Variants in MCUB observed in about 807,000 individuals in gnomAD.
MCUB encodes the protein mitochondrial calcium uniporter dominant negative subunit beta, also known as calcium uniporter regulatory subunit MCUb, mitochondrial.
A neutral mutation model predicts 41.4 loss-of-function variants in MCUB; 46 were observed. That is an observed-to-expected ratio of 1.11 (90% CI 0.88 to 1.42). The LOEUF (loss-of-function observed/expected upper bound fraction) is 1.42. MCUB is among the 40% of genes most tolerant of loss of function. The pLI, the probability that MCUB is intolerant of heterozygous loss-of-function variation, is 0.00. For synonymous variants in MCUB, 148 were observed against 148.2 expected (o/e 1.00, Z 0.01); for missense variants, 403 against 404.9 (o/e 1.00, Z 0.04).
chr4:109,575,337 T>C (rs948957711), intron 1 of MCUB, among the ~76,000 whole-genome samples: 5 of 152,240 alleles, frequency 3.3e-5, no homozygotes, highest in African/African-American at 1.2e-4. Context: ...TTTTTATTGA[T>C]ATGATATTAT....
chr4:109,652,762 A>T (rs1315287869), intron 1 of MCUB, among the ~76,000 whole-genome samples: 3 of 152,220 alleles, frequency 2.0e-5, no homozygotes, highest in Non-Finnish European at 4.4e-5. Flanking sequence ...ACACAATCAA[A>T]TCACAGCAAG....
At position 109,665,337 on chromosome 4, in the gene MCUB, G is replaced by T. The variant is rs187042560; in HGVS notation, c.451+943G>T. 3.0e-3 allele frequency among the ~76,000 whole-genome samples: 454 copies of T among 152,192 alleles called. 2 individuals are homozygous for T. Among genetic ancestry groups the T allele is most frequent in the African/African-American group, 0.01 (432 of 41,538 alleles). On this transcript the variant is annotated intron_variant, in intron 4 of 7. Coordinates refer to ENST00000394650, the MANE Select transcript of MCUB (RefSeq NM_017918.5). ...TTTAGATGTTTAATGATGTTTTTAT[G>T]ACCAGAAATATGCTGTAAGAACCTA...
chr4:109,599,667 ATATT>A (rs1440155919), intron 1 of MCUB, among the ~76,000 whole-genome samples: 3 of 148,358 alleles, frequency 2.0e-5, no homozygotes, highest in Non-Finnish European at 4.4e-5. Context: ...AATCATGTTA[ATATT>A]TATTTATTTA....
In MCUB at chr4:109,664,370, T is replaced by C. The variant is rs1393026376; in HGVS notation, c.427T>C (p.Tyr143His). The C allele has an allele frequency of 2.7e-6, 4 of 1,501,914 alleles. No individual in the cohort carries two copies. In the Admixed American group the frequency reaches 5.0e-5, roughly 19 times the overall value. 93.0% of individuals were successfully genotyped at this position (1,501,914 alleles called of 1,614,324 possible). The change falls in exon 4 of 8, where the codon TAT (tyrosine) becomes CAT (histidine). Residue 143 changes from tyrosine (Y) to histidine (H), a missense_variant. Tyr to His is a moderately conservative substitution (Grantham distance 83). Coordinates refer to ENST00000394650, the MANE Select transcript of MCUB (RefSeq NM_017918.5). ...TAAACTTGTCATTAATAAAATAGCA[T>C]ATGATGTGCAGTGTCCAAAGAGAGG... The part of the protein sequence containing the change: ...DFKLVINKIA[Y>H]DVQCPKREKP...
At chr4:109,665,202 A>G (rs1022326593) in intron 4 of MCUB, among the ~76,000 whole-genome samples, 1 of 152,250 alleles carries the variant, frequency 6.6e-6, no homozygotes, top group Non-Finnish European at 1.5e-5. Flanking sequence ...TGTATTCATC[A>G]TTAATGTACA....
intron 1 of MCUB, among the ~76,000 whole-genome samples, chr4:109,575,601 A>T (rs1011711554): frequency 2.6e-5 from 4 of 152,226 alleles, no homozygotes; most frequent in African/African-American, 9.6e-5. Flanking sequence ...TGTGCCAGTG[A>T]CTAAGCATCG....
At chr4:109,636,231 C>T (rs1285150651) in intron 1 of MCUB, among the ~76,000 whole-genome samples, 1 of 152,234 alleles carries the variant, frequency 6.6e-6, no homozygotes, top group Non-Finnish European at 1.5e-5. Flanking sequence ...ATTTCTAAAA[C>T]ATCGGAGATT....
chr4:109,570,729 A>G (rs1295047027), intron 1 of MCUB, among the ~76,000 whole-genome samples: 1 of 152,240 alleles, frequency 6.6e-6, no homozygotes, highest in African/African-American at 2.4e-5. Context: ...AGATGTAGCA[A>G]TACCGTATAT....
chr4:109,654,569 C>T (rs975378628), intron 1 of MCUB, among the ~76,000 whole-genome samples: 1 of 151,886 alleles, frequency 6.6e-6, no homozygotes, highest in African/African-American at 2.4e-5. Context: ...AGAGATCGCA[C>T]CATTGCACTC....
chr4:109,647,481 A>T (rs1728864584), intron 1 of MCUB, among the ~76,000 whole-genome samples: 1 of 152,212 alleles, frequency 6.6e-6, no homozygotes, highest in Admixed American at 6.5e-5. Context: ...ATATGCATTT[A>T]AGGTTCCTCC....
Position 109,578,493 on chromosome 4 carries a change from C to CTTT in MCUB, c.99+18068_99+18070dup, listed in dbSNP as rs113130648. 5.7e-3 allele frequency among the ~76,000 whole-genome samples: 832 copies of CTTT among 145,248 alleles called. 25 individuals are homozygous for CTTT. In the South Asian group the frequency reaches 0.072, roughly 13 times the overall value. On this transcript the variant is annotated intron_variant, in intron 1 of 7. Coordinates refer to ENST00000394650, the MANE Select transcript of MCUB (RefSeq NM_017918.5). ...CCAGGTCTTCATAATGAATCTCATA[C>CTTT]TTTTTTTTTTTTTGAAACAGATTTA... is the stretch of plus-strand genomic sequence containing the variant.
intron 1 of MCUB, among the ~76,000 whole-genome samples, chr4:109,580,149 A>G (rs1312029192): frequency 1.3e-5 from 2 of 152,054 alleles, no homozygotes; most frequent in Non-Finnish European, 2.9e-5. Flanking sequence ...CTGTCCTTGC[A>G]ATAGTTTGCT....
chr4:109,668,645 C>A (rs75232750), intron 4 of MCUB, among the ~76,000 whole-genome samples: 1 of 151,464 alleles, frequency 6.6e-6, no homozygotes, highest in Non-Finnish European at 1.5e-5. Flanking sequence ...AAATTGATTA[C>A]TGATATACAT....
chr4:109,662,042 C>T (rs1167821893), intron 3 of MCUB, among the ~76,000 whole-genome samples: 4 of 152,102 alleles, frequency 2.6e-5, no homozygotes, highest in Non-Finnish European at 4.4e-5. Context: ...AGGTGGGAGC[C>T]TACTACACAG....
At chr4:109,580,139 C>T (rs1486798581) in intron 1 of MCUB, among the ~76,000 whole-genome samples, 1 of 151,986 alleles carries the variant, frequency 6.6e-6, no homozygotes, top group Non-Finnish European at 1.5e-5. Flanking sequence ...GTTTGGTTTT[C>T]TGTCCTTGCA....
intron 1 of MCUB, among the ~76,000 whole-genome samples, chr4:109,596,266 A>T (rs1018811690): frequency 1.2e-5 from 1 of 83,530 alleles, no homozygotes; most frequent in Non-Finnish European, 2.3e-5. Flanking sequence ...GGGGATGGGA[A>T]CTGGGATTTC....
intron 1 of MCUB, among the ~76,000 whole-genome samples, chr4:109,631,398 T>C (rs1482972997): frequency 6.6e-6 from 1 of 152,164 alleles, no homozygotes; most frequent in African/African-American, 2.4e-5. Flanking sequence ...GATAACTAGA[T>C]AGGAATGTGA....
chr4:109,670,797 G>T (rs1008850077), intron 4 of MCUB, among the ~76,000 whole-genome samples: 2 of 151,838 alleles, frequency 1.3e-5, no homozygotes, highest in African/African-American at 4.8e-5. Context: ...TCCTGCTGCC[G>T]TAAGGAGGAG....
chr4:109,666,584 A>G (rs1257085507), intron 4 of MCUB, among the ~76,000 whole-genome samples: 2 of 152,086 alleles, frequency 1.3e-5, no homozygotes, highest in African/African-American at 2.4e-5. Flanking sequence ...TTTGCCATCT[A>G]TGTCTTCTTT....
Sources: gnomAD v4.1 joint callset for allele counts (sites outside exome capture counted in the v4.1 genomes callset) on GRCh38, gnomAD v4.1.1 for gene constraint, MANE v1.5 for transcripts, NCBI Gene and HGNC (gene_info 2026-07-23, HGNC 2026-07-21) for gene names.